Variants in BICD1 observed in about 807,000 individuals in gnomAD.
BICD1 encodes the protein BICD cargo adaptor 1, also known as protein bicaudal D homolog 1.
A neutral mutation model predicts 92.5 loss-of-function variants in BICD1; 35 were observed. The observed-to-expected ratio is 0.38, with a 90% CI of 0.29 to 0.50. BICD1 has a LOEUF of 0.50. BICD1 is among the 20% of genes least tolerant of loss of function. The pLI, the probability that BICD1 is intolerant of heterozygous loss-of-function variation, is 0.93. For synonymous variants in BICD1, 429 were observed against 465.1 expected (o/e 0.92, Z 1.00); for missense variants, 950 against 1,189.8 (o/e 0.80, Z 2.97).
At chr12:32,272,972 T>C (rs78466664) in intron 2 of BICD1, among the ~76,000 whole-genome samples, 271 of 152,344 alleles carry the variant, frequency 1.8e-3, no homozygotes, top group Non-Finnish European at 3.0e-3. Flanking sequence ...TGCAAAGATA[T>C]AGTTTATAGG....
At chr12:32,145,148 G>A (rs889614659) in intron 1 of BICD1, among the ~76,000 whole-genome samples, 3 of 152,106 alleles carry the variant, frequency 2.0e-5, no homozygotes, top group Non-Finnish European at 2.9e-5. Flanking sequence ...TACATGTTGT[G>A]GTCTTTGCTT....
chr12:32,189,624 C>T lies in BICD1; in HGVS notation c.214-26623C>T, dbSNP rs541868245. 1.7e-4 allele frequency among the ~76,000 whole-genome samples: 26 copies of T among 151,656 alleles called. No homozygotes were observed. In the South Asian group the frequency reaches 5.4e-3, roughly 32 times the overall value. ...TACCTGCATAATTTGTTGATGAATA[C>T]ACAGTATAAAAAGGTGTAAAGTGTG... is the stretch of plus-strand genomic sequence containing the variant. On this transcript the variant is annotated intron_variant, in intron 1 of 9. Transcript: ENST00000652176.
At position 32,332,852 on chromosome 12, in the gene BICD1, G is replaced by A. The variant is rs571873026; in HGVS notation, c.2101-1664G>A. The A allele has an allele frequency of 1.7e-5, 17 of 985,226 alleles. No individual in the cohort carries two copies. In the East Asian group the frequency reaches 1.5e-3, roughly 85 times the overall value. The allele number at this position is 985,226 out of a possible 1,614,324, so 61.0% of individuals were successfully genotyped here. On this transcript the variant is annotated intron_variant, in intron 5 of 9. Transcript: ENST00000652176. ...AATGCTCACAAAGGCCTATGTGGCT[G>A]GAAATAAGACTTTTTTTATTTAGAA...
At chr12:32,204,491 C>A (rs326632) in intron 1 of BICD1, among the ~76,000 whole-genome samples, 123,312 of 152,064 alleles carry the variant, frequency 0.81, 50,631 homozygotes, top group East Asian at 0.89. Context: ...TAAGTCTTAA[C>A]AAACAACCCT....
intron 2 of BICD1, among the ~76,000 whole-genome samples, chr12:32,217,415 CTATTA>C (rs1945392708): frequency 6.6e-6 from 1 of 152,082 alleles, no homozygotes. Flanking sequence ...TAGGGCTTCA[CTATTA>C]TAAGATATAA....
intron 4 of BICD1, among the ~76,000 whole-genome samples, chr12:32,324,244 G>C (rs895250011): frequency 6.6e-6 from 1 of 151,564 alleles, no homozygotes; most frequent in Non-Finnish European, 1.5e-5. Context: ...AGTCCCAGCT[G>C]CTTAGGAGGC....
At chr12:32,336,636 G>A (rs1938138399) in intron 6 of BICD1, among the ~76,000 whole-genome samples, 1 of 152,088 alleles carries the variant, frequency 6.6e-6, no homozygotes, top group Non-Finnish European at 1.5e-5. Flanking sequence ...GATACTATAG[G>A]CATAGCCTAT....
intron 2 of BICD1, among the ~76,000 whole-genome samples, chr12:32,292,918 C>T (rs1380532937): frequency 1.3e-5 from 2 of 152,074 alleles, no homozygotes; most frequent in African/African-American, 4.8e-5. Context: ...ATAGCTTATA[C>T]TTGCCATATA....
At chr12:32,245,397 G>C (rs1018170849) in intron 2 of BICD1, among the ~76,000 whole-genome samples, 1 of 152,130 alleles carries the variant, frequency 6.6e-6, no homozygotes, top group African/African-American at 2.4e-5. Context: ...ACTATTTGAG[G>C]CCTGGTCAGG....
chr12:32,279,537 A>G (rs1251857527), intron 2 of BICD1, among the ~76,000 whole-genome samples: 1 of 152,268 alleles, frequency 6.6e-6, no homozygotes, highest in African/African-American at 2.4e-5. Context: ...AAGAAAAAAT[A>G]GAAATCAGAA....
At chr12:32,274,674 G>A (rs1947231648) in intron 2 of BICD1, among the ~76,000 whole-genome samples, 1 of 152,152 alleles carries the variant, frequency 6.6e-6, no homozygotes, top group African/African-American at 2.4e-5. Context: ...CCTAAAGACA[G>A]AGATAACAAT....
intron 2 of BICD1, among the ~76,000 whole-genome samples, chr12:32,255,974 T>C (rs1311033872): frequency 1.3e-5 from 2 of 152,192 alleles, no homozygotes; most frequent in Non-Finnish European, 2.9e-5. Context: ...TATTAATTTA[T>C]CAATAGAGCA....
chr12:32,107,111 C>T lies in BICD1; in HGVS notation c.-221C>T. The T allele has an allele frequency of 1.8e-6, 1 of 571,160 alleles. No individual in the cohort carries two copies. Among genetic ancestry groups the T allele is most frequent in the Non-Finnish European group, 3.1e-6 (1 of 320,874 alleles). The allele number at this position is 571,160 out of a possible 1,614,324, so 35.4% of individuals were successfully genotyped here. On this transcript the variant is annotated 5_prime_UTR_variant, in exon 1 of 10. Coordinates refer to ENST00000652176, the MANE Select transcript of BICD1 (RefSeq NM_001714.4). ...GCGGCCTTTGCCGCCTCGCCCCTGA[C>T]CCTCTGCCCTGTTCTCCATGTTGCA...
At chr12:32,122,061 C>G (rs1948992428) in intron 1 of BICD1, among the ~76,000 whole-genome samples, 2 of 152,134 alleles carry the variant, frequency 1.3e-5, no homozygotes, top group African/African-American at 4.8e-5. Flanking sequence ...AGACATCTAC[C>G]TGCCTCAGCC....
At chr12:32,276,326 G>C (rs766616824) in intron 2 of BICD1, among the ~76,000 whole-genome samples, 1 of 152,122 alleles carries the variant, frequency 6.6e-6, no homozygotes, top group Non-Finnish European at 1.5e-5. Context: ...AACAGCACTT[G>C]GGTTTTCCTG....
intron 4 of BICD1, 22 bp downstream of exon 4, chr12:32,306,144 G>A (rs557498179): frequency 9.8e-6 from 15 of 1,534,840 alleles, no homozygotes; most frequent in African/African-American, 1.4e-5. Flanking sequence ...GTTTAGGGCC[G>A]CTAGAGTGAA....
intron 1 of BICD1, among the ~76,000 whole-genome samples, chr12:32,138,087 C>T (rs1942792940): frequency 1.3e-5 from 2 of 152,182 alleles, no homozygotes; most frequent in Admixed American, 1.3e-4. Context: ...GCGTGAGCCA[C>T]CGTGCCTGGC....
intron 2 of BICD1, among the ~76,000 whole-genome samples, chr12:32,253,540 A>C (rs1946622117): frequency 6.6e-6 from 1 of 152,072 alleles, no homozygotes; most frequent in Non-Finnish European, 1.5e-5. Flanking sequence ...TTCCTCTTTT[A>C]AGAAGAAAAA....
chr12:32,318,690 G>A (rs2136240161), intron 4 of BICD1, among the ~76,000 whole-genome samples: 1 of 152,098 alleles, frequency 6.6e-6, no homozygotes. Context: ...CCCCATCTCT[G>A]CTAAAAATAC....
Sources: allele counts gnomAD v4.1 joint callset (sites outside exome capture counted in the v4.1 genomes callset), GRCh38; gene constraint gnomAD v4.1.1; transcripts MANE v1.5; gene names NCBI Gene and HGNC (gene_info 2026-07-23, HGNC 2026-07-21).